CTNNA1: variants seen among roughly 807,000 people sequenced by gnomAD.
CTNNA1 encodes catenin alpha 1.
CTNNA1 carries 37 observed loss-of-function variants against 98.4 expected under a neutral mutation model. The ratio of observed to expected loss-of-function variants is 0.38; its 90% confidence interval spans 0.29 to 0.49. The LOEUF is 0.49. Among genes scored for constraint, CTNNA1 ranks in the 20% least tolerant of loss-of-function variants. CTNNA1 has a pLI of 0.95. For missense variants in CTNNA1, 761 were observed against 1,147.2 expected, an observed-to-expected ratio of 0.66 and a Z score of 4.86; for synonymous variants, 404 against 413.2, an observed-to-expected ratio of 0.98 and a Z score of 0.27.
At chr5:138,895,503 T>G (rs1581549608) in intron 9 of CTNNA1, among the ~76,000 whole-genome samples, 1 of 146,366 alleles carries the variant, frequency 6.8e-6, no homozygotes, top group Admixed American at 6.9e-5. Context: ...AGCAGTTTTT[T>G]GGGGGGGGGG....
chr5:138,881,969 C>T (rs781332640), intron 7 of CTNNA1, among the ~76,000 whole-genome samples: 18 of 152,206 alleles, frequency 1.2e-4, no homozygotes, highest in Non-Finnish European at 2.5e-4. Context: ...TATTTGAAGT[C>T]TTATATTCTA....
intron 7 of CTNNA1, chr5:138,875,200 A>C: frequency 2.9e-6 from 1 of 345,696 alleles, no homozygotes; most frequent in Non-Finnish European, 5.1e-6. Context: ...TCAAAGCTTC[A>C]GTCTCCTTTC....
intron 7 of CTNNA1, among the ~76,000 whole-genome samples, chr5:138,857,205 C>T (rs950900917): frequency 1.3e-5 from 2 of 152,154 alleles, no homozygotes; most frequent in African/African-American, 4.8e-5. Context: ...CAGAATACAT[C>T]TCTCTAAGTC....
At chr5:138,814,341 C>T (rs765303105) in intron 5 of CTNNA1, among the ~76,000 whole-genome samples, 2 of 151,700 alleles carry the variant, frequency 1.3e-5, no homozygotes, top group Admixed American at 6.6e-5. Context: ...CTCCGCCTCC[C>T]GGGTTCAAGT....
At chr5:138,823,345 C>T (rs771870281) in intron 5 of CTNNA1, among the ~76,000 whole-genome samples, 1 of 152,132 alleles carries the variant, frequency 6.6e-6, no homozygotes, top group Non-Finnish European at 1.5e-5. Context: ...TCAAATCCTT[C>T]TTACTGTGGA....
chr5:138,930,285 G>C (rs1213677330), intron 14 of CTNNA1, among the ~76,000 whole-genome samples, 188 bp from the exon 15 acceptor site: 2 of 152,076 alleles, frequency 1.3e-5, no homozygotes, highest in Non-Finnish European at 2.9e-5. Context: ...CTCAAAAGTG[G>C]GTCGGAAATT....
rs1023255075 is a variant in CTNNA1 at position 138,871,378 on chromosome 5, T to A, written c.1063-14834T>A. On this transcript the variant is annotated intron_variant, in intron 7 of 17. Transcript: ENST00000302763. ...ATGTGGAACAATGTTTATGGAAAAG[T>A]TCTGTGTGAATGAGTAGCTTGCATC... 3 of 152,250 alleles carry A rather than the reference T, an allele frequency of 2.0e-5. No homozygotes were observed. In the South Asian group the frequency reaches 6.2e-4, roughly 32 times the overall value. 9.4% of individuals were successfully genotyped at this position (152,250 alleles called of 1,614,324 possible).
rs560022059 is a variant in CTNNA1, at chr5:138,786,211, A to G, written c.301+2839A>G. 2.6e-5 allele frequency among the ~76,000 whole-genome samples: 4 copies of G among 152,346 alleles called. No homozygotes were observed. In the South Asian group the frequency reaches 6.2e-4, roughly 24 times the overall value. Reference sequence around the variant, plus strand: ...GGAAAAAAAGAGCCAAAACCAAAATATAACTTCCTCCCATCATCATTATTG... The same window carrying G: ...GGAAAAAAAGAGCCAAAACCAAAATGTAACTTCCTCCCATCATCATTATTG... On this transcript the variant is annotated intron_variant, in intron 3 of 17. Transcript: ENST00000302763.
At chr5:138,799,542 T>A (rs1188748448) in intron 3 of CTNNA1, among the ~76,000 whole-genome samples, 2 of 152,130 alleles carry the variant, frequency 1.3e-5, no homozygotes, top group Non-Finnish European at 2.9e-5. Context: ...ACAATTTTTT[T>A]AAGCAAGGTT....
At chr5:138,917,652 A>C in intron 10 of CTNNA1, 90 bp from the exon 11 acceptor site, 1 of 1,293,066 alleles carries the variant, frequency 7.7e-7, no homozygotes, top group South Asian at 1.4e-5. Flanking sequence ...AGGATAGAGC[A>C]TGTGGTGTGA....
At chr5:138,906,346 T>C (rs537919545) in intron 10 of CTNNA1, among the ~76,000 whole-genome samples, 3 of 152,336 alleles carry the variant, frequency 2.0e-5, no homozygotes, top group Admixed American at 6.5e-5. Context: ...GGCCAAGTTG[T>C]ATGAGACAGA....
intron 9 of CTNNA1, among the ~76,000 whole-genome samples, chr5:138,891,666 G>C (rs1755401568): frequency 6.6e-6 from 1 of 152,160 alleles, no homozygotes; most frequent in Admixed American, 6.5e-5. Flanking sequence ...AGGCAAGGTA[G>C]GAGAATTGCT....
chr5:138,782,273 A>G (rs1293405134), intron 2 of CTNNA1: 1 of 575,136 alleles, frequency 1.7e-6, no homozygotes. Context: ...AACTTTGCAA[A>G]TGTTTGTGCT....
chr5:138,842,744 T>A (rs1762377604), intron 7 of CTNNA1, among the ~76,000 whole-genome samples: 1 of 152,230 alleles, frequency 6.6e-6, no homozygotes, highest in Non-Finnish European at 1.5e-5. Flanking sequence ...GAAATTTGTT[T>A]GAGTTTTCTT....
At chr5:138,910,226 C>CTTTTT (rs70982740) in intron 10 of CTNNA1, among the ~76,000 whole-genome samples, 14 of 53,266 alleles carry the variant, frequency 2.6e-4, no homozygotes, top group Non-Finnish European at 4.0e-4. Context: ...TCCTACTTTT[C>CTTTTT]TTTTTTTTTT....
chr5:138,854,481 T>G (rs900168781), intron 7 of CTNNA1, among the ~76,000 whole-genome samples: 9 of 152,330 alleles, frequency 5.9e-5, no homozygotes, highest in African/African-American at 1.7e-4. Flanking sequence ...TACATAGGCT[T>G]AAGTGAAAAG....
At chr5:138,799,547 A>G (rs862230) in intron 3 of CTNNA1, among the ~76,000 whole-genome samples, 6 of 152,216 alleles carry the variant, frequency 3.9e-5, no homozygotes, top group African/African-American at 1.4e-4. Context: ...TTTTTTAAGC[A>G]AGGTTTTGAG....
At chr5:138,924,253 GT>G (rs1004850587) in intron 11 of CTNNA1, among the ~76,000 whole-genome samples, 1 of 148,206 alleles carries the variant, frequency 6.7e-6, no homozygotes, top group East Asian at 1.9e-4. Flanking sequence ...CATGTCTCCT[GT>G]TTTTTTTGTG....
chr5:138,796,457 T>C (rs1756980978), intron 3 of CTNNA1, among the ~76,000 whole-genome samples: 3 of 150,800 alleles, frequency 2.0e-5, no homozygotes, highest in African/African-American at 7.3e-5. Context: ...GGCAGGAGAA[T>C]GGCGTGAACC....
Sources: allele counts gnomAD v4.1 joint callset (sites outside exome capture counted in the v4.1 genomes callset), GRCh38; gene constraint gnomAD v4.1.1; transcripts MANE v1.5; gene names NCBI Gene and HGNC (gene_info 2026-07-23, HGNC 2026-07-21).